The following C10orf90 variants were observed in gnomAD, a reference collection of about 807,000 sequenced individuals.
C10orf90 encodes the protein chromosome 10 open reading frame 90.
C10orf90 carries 56 observed loss-of-function variants against 62.5 expected under a neutral mutation model. The ratio of observed to expected loss-of-function variants is 0.90; its 90% CI spans 0.72 to 1.12. The LOEUF (loss-of-function observed/expected upper bound fraction) is 1.12. Ranked by LOEUF, C10orf90 falls within the 50% of genes most tolerant of loss-of-function variation. The pLI is 0.00. For synonymous variants in C10orf90, 386 were observed against 340.4 expected (o/e 1.13, Z -1.47); for missense variants, 970 against 880.4 (o/e 1.10, Z -1.29).
At chr10:126,451,524 A>T (rs368562690) in intron 7 of C10orf90, among the ~76,000 whole-genome samples, 1 of 151,938 alleles carries the variant, frequency 6.6e-6, no homozygotes, top group African/African-American at 2.4e-5. Context: ...AGACACTGTG[A>T]GGTGTTGTGT....
intron 2 of C10orf90, among the ~76,000 whole-genome samples, chr10:126,554,328 C>T (rs1864709582): frequency 6.6e-6 from 1 of 151,988 alleles, no homozygotes; most frequent in Non-Finnish European, 1.5e-5. Flanking sequence ...TAATCGATTG[C>T]AGTAGAAGTA....
Position 126,429,840 on chromosome 10 carries a change from G to T in C10orf90, c.2199C>A (p.Phe733Leu), listed in dbSNP as rs774459668. Residue 733 changes from phenylalanine to leucine, a missense_variant, in exon 8 of 10, where the codon TTC (phenylalanine) becomes TTA (leucine). Transcript: ENST00000488181. ...CTGAAATGCACCGTTCTTTGGGTTT[G>T]AACAAGTTATCTGGAAAAAATAGAA... Reference protein sequence around the residue: ...TIPHPLSDNLFKPKERCISEK... With the variant: ...TIPHPLSDNLLKPKERCISEK... The T allele has an allele frequency of 1.9e-6, 3 of 1,613,864 alleles. No individual in the cohort carries two copies. Among genetic ancestry groups the T allele is most frequent in the Non-Finnish European group, 2.5e-6 (3 of 1,179,786 alleles).
intron 2 of C10orf90, among the ~76,000 whole-genome samples, chr10:126,549,961 T>C (rs113785108): frequency 0.037 from 2,605 of 71,080 alleles, 74 homozygotes; most frequent in African/African-American, 0.12. Flanking sequence ...AGCTTTCTTT[T>C]TTTTTTTTTT....
intron 2 of C10orf90, among the ~76,000 whole-genome samples, chr10:126,546,939 A>G (rs1371581420): frequency 6.6e-6 from 1 of 152,132 alleles, no homozygotes; most frequent in Non-Finnish European, 1.5e-5. Context: ...AGCTTGCCCA[A>G]CACGGCAAAA....
chr10:126,614,449 A>G (rs1412879513), intron 2 of C10orf90, among the ~76,000 whole-genome samples: 1 of 152,190 alleles, frequency 6.6e-6, no homozygotes, highest in African/African-American at 2.4e-5. Context: ...CATTAAAAAA[A>G]GCCTATGGCA....
chr10:126,607,953 A>G (rs1379533524), intron 2 of C10orf90, among the ~76,000 whole-genome samples: 1 of 152,220 alleles, frequency 6.6e-6, no homozygotes, highest in Non-Finnish European at 1.5e-5. Context: ...CATGAGATAG[A>G]AAGTCAAATG....
chr10:126,650,628 A>T (rs1297440539), intron 1 of C10orf90, among the ~76,000 whole-genome samples: 2 of 152,224 alleles, frequency 1.3e-5, no homozygotes, highest in African/African-American at 4.8e-5. Flanking sequence ...TATGATTAGG[A>T]TCAAGTACCG....
At chr10:126,562,264 A>G (rs1864919306) in intron 2 of C10orf90, among the ~76,000 whole-genome samples, 1 of 152,056 alleles carries the variant, frequency 6.6e-6, no homozygotes. Flanking sequence ...TGATTTGCCT[A>G]GCCACCCCCT....
At chr10:126,654,678 G>A (rs1160169027) in intron 1 of C10orf90, among the ~76,000 whole-genome samples, 1 of 152,134 alleles carries the variant, frequency 6.6e-6, no homozygotes, top group East Asian at 1.9e-4. Flanking sequence ...TAACTCTTTG[G>A]TACAACAGGC....
In C10orf90 at chr10:126,490,004, TTA is replaced by T. The variant is rs1171575687; in HGVS notation, c.1534+13951_1534+13952del. On this transcript the variant is annotated intron_variant, in intron 4 of 9. Coordinates refer to ENST00000488181, the MANE Select transcript of C10orf90 (RefSeq NM_001350921.2). ...ATATATATATAATATATATTATATA[TTA>T]TATATATTATATATAATATATAATA... Among the ~76,000 whole-genome samples, 62 of 92,970 alleles carry T rather than the reference TTA, an allele frequency of 6.7e-4. 1 individual carries two copies. The highest frequency in any genetic ancestry group is 3.5e-3 in the Admixed American group (22 of 6,326). 61.0% of individuals were successfully genotyped at this position (92,970 alleles called of 152,430 possible). A position where few individuals can be genotyped will look rare whatever the true frequency, so the allele number is the denominator to read the frequency against.
intron 2 of C10orf90, among the ~76,000 whole-genome samples, chr10:126,611,839 G>C (rs1300402523): frequency 1.3e-5 from 2 of 152,122 alleles, no homozygotes; most frequent in African/African-American, 4.8e-5. Context: ...ACAGTAGTTG[G>C]GTCCCAAGTG....
chr10:126,618,026 CA>C (rs1271902246), intron 2 of C10orf90, among the ~76,000 whole-genome samples: 3 of 152,178 alleles, frequency 2.0e-5, no homozygotes, highest in Non-Finnish European at 4.4e-5. Flanking sequence ...TCTTGTGCAA[CA>C]AACCCTCAGG....
At chr10:126,524,786 A>G in intron 2 of C10orf90, 1 of 985,500 alleles carries the variant, frequency 1.0e-6, no homozygotes. Context: ...CTTGTCCTAC[A>G]AGAGCTGGGG....
rs758149146 is a variant in C10orf90, at chr10:126,504,575, C to T, written c.916G>A (p.Val306Ile). 4.3e-6 allele frequency: 7 copies of T among 1,614,166 alleles called. No homozygotes were observed. Among genetic ancestry groups the T allele is most frequent in the Non-Finnish European group, 5.9e-6 (7 of 1,180,018 alleles). ...CACAACCCAGTGTGGGCCTCGGGAA[C>T]CTTCAGCCGCACCACGGAGCTGTTT... The part of the protein sequence containing the change: ...SRNSSVVRLK[V>I]PEAHTGLCER... The change falls in exon 4 of 10, where the codon GTT becomes ATT. Residue 306 changes from valine (V) to isoleucine (I), a missense_variant. Val to Ile is a conservative substitution (Grantham distance 29). Coordinates refer to ENST00000488181, the MANE Select transcript of C10orf90 (RefSeq NM_001350921.2). The surrounding 1 kb of genome is among the most constrained non-coding windows in gnomAD (Gnocchi z 4.1).
chr10:126,555,027 G>A (rs1460762935), intron 2 of C10orf90, among the ~76,000 whole-genome samples: 1 of 152,082 alleles, frequency 6.6e-6, no homozygotes, highest in Non-Finnish European at 1.5e-5. Flanking sequence ...TTTTATTCAG[G>A]GAAGACAATC....
At chr10:126,523,962 C>A (rs868240684) in intron 2 of C10orf90, among the ~76,000 whole-genome samples, 37 of 152,304 alleles carry the variant, frequency 2.4e-4, no homozygotes, top group African/African-American at 8.7e-4. Flanking sequence ...ATATCCATAT[C>A]CATACATCCA....
At chr10:126,570,777 A>G (rs1405185726) in intron 2 of C10orf90, among the ~76,000 whole-genome samples, 4 of 152,140 alleles carry the variant, frequency 2.6e-5, no homozygotes, top group Non-Finnish European at 4.4e-5. Context: ...AGGTTCCTAA[A>G]TATCCCCTAT....
In C10orf90 at chr10:126,517,929, A is replaced by G. The variant is rs1050088586; in HGVS notation, c.314-3990T>C. On this transcript the variant is annotated intron_variant, in intron 2 of 9. Transcript: ENST00000488181. ...ATCTCAAAAAAAAAAAAAAAAAAAA[A>G]GGAATACAAAGGTCAGGACAACTCT... Among the ~76,000 whole-genome samples the G allele has an allele frequency of 1.3e-4, 18 of 137,436 alleles. No individual in the cohort carries two copies. In the East Asian group the frequency reaches 1.7e-3, roughly 13 times the overall value. The allele number at this position is 137,436 out of a possible 152,430, so 90.2% of individuals were successfully genotyped here.
chr10:126,579,275 C>A (rs796650684), intron 2 of C10orf90, among the ~76,000 whole-genome samples: 1 of 124,594 alleles, frequency 8.0e-6, no homozygotes, highest in African/African-American at 3.7e-5. Context: ...TTCTTTCTTT[C>A]TTTTTTTTTT....
Sources: allele counts gnomAD v4.1 joint callset (sites outside exome capture counted in the v4.1 genomes callset), GRCh38; gene constraint gnomAD v4.1.1; non-coding constraint Gnocchi (gnomAD v3.1); transcripts MANE v1.5; gene names NCBI Gene and HGNC (gene_info 2026-07-23, HGNC 2026-07-21).